ZNF267: variants seen among roughly 807,000 people sequenced by gnomAD.
ZNF267 encodes the protein zinc finger protein 267, also known as zinc finger (C2H2).
In ZNF267, 61 loss-of-function variants were observed where a neutral mutation model predicts 71.6. That is an observed-to-expected ratio of 0.85 (90% CI 0.69 to 1.05). The LOEUF (loss-of-function observed/expected upper bound fraction) is 1.05. ZNF267 is among the 50% of genes least tolerant of loss of function. The probability of loss-of-function intolerance (pLI) is 0.00; values close to 1 mark genes in which losing one functional copy is unlikely to be tolerated. For synonymous variants in ZNF267, 288 were observed against 293.2 expected (o/e 0.98, Z 0.18); for missense variants, 852 against 870.0 (o/e 0.98, Z 0.26).
At chr16:31,896,737 A>G (rs2084002161) in intron 3 of ZNF267, among the ~76,000 whole-genome samples, 1 of 152,080 alleles carries the variant, frequency 6.6e-6, no homozygotes, top group South Asian at 2.1e-4. Context: ...CTTTTTGCTC[A>G]GGATTGTTTT....
At chr16:31,903,340 T>C (rs942937484) in intron 3 of ZNF267, among the ~76,000 whole-genome samples, 3 of 152,236 alleles carry the variant, frequency 2.0e-5, no homozygotes. Context: ...TTTCTATTGA[T>C]TGGAATAGTT....
rs570831540 is a variant in ZNF267, at chr16:31,903,911, C to T, written c.227-10565C>T. Among the ~76,000 whole-genome samples the T allele has an allele frequency of 1.4e-4, 22 of 152,322 alleles. No individual in the cohort carries two copies. In the South Asian group the frequency reaches 4.1e-3, roughly 29 times the overall value. ...CAATTTTAGATCTTTCCTGCTTTCT[C>T]TTGTGGGCATTTAGTGCTATAAATT... On this transcript the variant is annotated intron_variant, in intron 3 of 3. Transcript: ENST00000300870.
At chr16:31,877,030 G>A (rs1004850310) in intron 1 of ZNF267, among the ~76,000 whole-genome samples, 2 of 152,160 alleles carry the variant, frequency 1.3e-5, no homozygotes, top group African/African-American at 4.8e-5. Flanking sequence ...CTTTCTGAGG[G>A]TAGAAATTGT....
chr16:31,897,659 A>G (rs889117383), intron 3 of ZNF267, among the ~76,000 whole-genome samples: 5 of 152,162 alleles, frequency 3.3e-5, no homozygotes, highest in African/African-American at 1.2e-4. Context: ...GATAGAGAGT[A>G]CATTGAATCT....
At chr16:31,898,130 A>C (rs999107198) in intron 3 of ZNF267, among the ~76,000 whole-genome samples, 1 of 152,138 alleles carries the variant, frequency 6.6e-6, no homozygotes, top group Non-Finnish European at 1.5e-5. Context: ...AAAGGTCACA[A>C]TGTATATATG....
intron 3 of ZNF267, 49 bp from the exon 4 acceptor site, chr16:31,914,427 T>C: frequency 6.9e-7 from 1 of 1,446,074 alleles, no homozygotes; most frequent in South Asian, 1.5e-5. Flanking sequence ...GTAAAATATA[T>C]GTACCTGAAT....
intron 3 of ZNF267, among the ~76,000 whole-genome samples, chr16:31,899,488 A>G (rs2084022732): frequency 6.6e-6 from 1 of 152,230 alleles, no homozygotes; most frequent in Non-Finnish European, 1.5e-5. Context: ...AACCAATGAG[A>G]ACAAAGACAC....
At chr16:31,893,167 G>A (rs149186987) in intron 3 of ZNF267, among the ~76,000 whole-genome samples, 2,026 of 152,296 alleles carry the variant, frequency 0.013, 55 homozygotes, top group African/African-American at 0.046. Context: ...TCAACACCAC[G>A]TGAAAGCTGC....
In ZNF267 at chr16:31,885,166, G is replaced by C. The variant is rs779379915; in HGVS notation, c.136G>C (p.Val46Leu). The change falls in exon 3 of 4, where the codon GTT becomes CTT. Residue 46 changes from valine to leucine, a missense_variant. By Grantham distance (32) the Val-to-Leu change is conservative. Transcript: ENST00000300870. ...GAATTTTTCCAATAAAACAGGTCTT[G>C]TTGTCTCTAAGCCGGACCTGATCAC... ...NYRNLVSLGL[V>L]VSKPDLITFL... 21 of 1,604,672 alleles carry C rather than the reference G, an allele frequency of 1.3e-5. No homozygotes were observed. The highest frequency in any genetic ancestry group is 1.0e-4 in the Admixed American group (6 of 59,022).
chr16:31,906,113 G>T lies in ZNF267; in HGVS notation c.227-8363G>T, dbSNP rs149252193. ...GCTGAACAGCGGATATTGGTGAACCGCAAATGCTGCTGCCTGATCATTCCT... is the reference window on the plus strand; with the variant it reads ...GCTGAACAGCGGATATTGGTGAACCTCAAATGCTGCTGCCTGATCATTCCT... On this transcript the variant is annotated intron_variant, in intron 3 of 3. Coordinates refer to ENST00000300870, the MANE Select transcript of ZNF267 (RefSeq NM_003414.6). Among the ~76,000 whole-genome samples, 658 of 152,278 alleles carry T rather than the reference G, an allele frequency of 4.3e-3. 7 individuals are homozygous for T. Among genetic ancestry groups the T allele is most frequent in the Middle Eastern group, 0.02 (6 of 294 alleles).
chr16:31,895,263 C>T (rs1172783159), intron 3 of ZNF267, among the ~76,000 whole-genome samples: 1 of 152,178 alleles, frequency 6.6e-6, no homozygotes, highest in Non-Finnish European at 1.5e-5. Flanking sequence ...TGAGATTCTC[C>T]AAGTCCATCC....
chr16:31,883,186 A>G (rs2083901495), intron 1 of ZNF267, among the ~76,000 whole-genome samples: 1 of 152,204 alleles, frequency 6.6e-6, no homozygotes, highest in African/African-American at 2.4e-5. Flanking sequence ...TAAAATATAT[A>G]ATAGCACATA....
At chr16:31,882,003 C>G (rs763577456) in intron 1 of ZNF267, among the ~76,000 whole-genome samples, 12 of 152,170 alleles carry the variant, frequency 7.9e-5, no homozygotes, top group Non-Finnish European at 1.5e-4. Context: ...TCCTTCCTTT[C>G]TGTATCCCTC....
At position 31,916,210 on chromosome 16, in the gene ZNF267, A is replaced by G; in HGVS notation, c.1961A>G (p.His654Arg). ...TACCTCACTACACATCAGAGAAGTC[A>G]TACTGGAGAGAGACCCTACAAATGT... is the stretch of plus-strand genomic sequence containing the variant. ...RSYLTTHQRS[H>R]TGERPYKCEE... The change falls in exon 4 of 4, where the codon CAT becomes CGT. Residue 654 changes from histidine (H) to arginine (R), a missense_variant. Transcript: ENST00000300870. 2 of 1,614,194 alleles carry G rather than the reference A, an allele frequency of 1.2e-6. No individual in the cohort carries two copies. The highest frequency in any genetic ancestry group is 1.7e-6 in the Non-Finnish European group (2 of 1,180,024).
chr16:31,914,373 T>G (rs1396236587), intron 3 of ZNF267, 103 bp from the exon 4 acceptor site: 9 of 1,073,232 alleles, frequency 8.4e-6, no homozygotes, highest in Non-Finnish European at 1.2e-5. Context: ...TTCACTCAAC[T>G]GTTGTTGTAT....
intron 3 of ZNF267, among the ~76,000 whole-genome samples, chr16:31,908,683 T>C (rs1030526241): frequency 7.2e-5 from 11 of 152,170 alleles, no homozygotes; most frequent in Admixed American, 5.2e-4. Flanking sequence ...CTGTCCTTTC[T>C]CTAGTGTATG....
At position 31,903,388 on chromosome 16, in the gene ZNF267, G is replaced by A. The variant is rs144418425; in HGVS notation, c.227-11088G>A. 3.0e-3 allele frequency among the ~76,000 whole-genome samples: 463 copies of A among 152,228 alleles called. 4 individuals carry two copies. Among genetic ancestry groups the A allele is most frequent in the African/African-American group, 0.011 (449 of 41,534 alleles). ...GTAGCAGCTCCTCCTTGTACCTCTGGTAGAATTCAGCTGTGAATCCATCTG... is the reference window on the plus strand; with the variant it reads ...GTAGCAGCTCCTCCTTGTACCTCTGATAGAATTCAGCTGTGAATCCATCTG... On this transcript the variant is annotated intron_variant, in intron 3 of 3. Transcript: ENST00000300870.
In ZNF267 at chr16:31,916,364, A is replaced by C. The variant is rs201760553; in HGVS notation, c.2115A>C (p.Thr705=). The C allele has an allele frequency of 2.7e-5, 44 of 1,613,472 alleles. No individual in the cohort carries two copies. Among genetic ancestry groups the C allele is most frequent in the Non-Finnish European group, 3.3e-5 (39 of 1,179,808 alleles). ...KAFSYRSYLT[T]HRRSHSGERP... The stretch of plus-strand genomic sequence containing the variant: ...TCAGCTATAGGTCATACCTCACTAC[A>C]CATCGGAGAAGTCATAGTGGAGAGA... The change falls in exon 4 of 4, where the codon ACA becomes ACC. Residue 705 remains threonine (T), a synonymous_variant. Transcript: ENST00000300870.
At chr16:31,879,194 TA>T (rs765916716) in intron 1 of ZNF267, among the ~76,000 whole-genome samples, 3 of 152,220 alleles carry the variant, frequency 2.0e-5, no homozygotes, top group Non-Finnish European at 4.4e-5. Flanking sequence ...CTGCCTGTCA[TA>T]AAGACATGAA....
Sources: allele counts gnomAD v4.1 joint callset (sites outside exome capture counted in the v4.1 genomes callset), GRCh38; gene constraint gnomAD v4.1.1; transcripts MANE v1.5; gene names NCBI Gene and HGNC (gene_info 2026-07-23, HGNC 2026-07-21).